UBE2F: variants seen among roughly 807,000 people sequenced by gnomAD.
The protein encoded by UBE2F is NEDD8-conjugating enzyme UBE2F.
A neutral mutation model predicts 29.6 loss-of-function variants in UBE2F; 5 were observed. That is an observed-to-expected ratio of 0.17 (90% CI 0.09 to 0.36). The LOEUF (loss-of-function observed/expected upper bound fraction) is 0.36, where lower values mean the gene tolerates loss of function less well. UBE2F is among the 10% of genes least tolerant of loss of function. The pLI is 1.00. For missense variants in UBE2F, 141 were observed against 228.5 expected (o/e 0.62, Z 2.47); for synonymous variants, 66 against 81.8 (o/e 0.81, Z 1.04).
intron 6 of UBE2F, among the ~76,000 whole-genome samples, chr2:238,028,585 G>A (rs185055789): frequency 2.0e-5 from 3 of 152,186 alleles, no homozygotes; most frequent in Non-Finnish European, 2.9e-5. Flanking sequence ...GTAGAAAGAC[G>A]TCCACCCAGT....
intron 3 of UBE2F, among the ~76,000 whole-genome samples, chr2:237,992,263 T>TA (rs1213670133): frequency 1.1e-4 from 16 of 152,342 alleles, no homozygotes; most frequent in African/African-American, 3.8e-4. Context: ...TAAAAACAAA[T>TA]ACATGATGCC....
At chr2:237,991,337 T>TTA (rs1211574116) in intron 3 of UBE2F, among the ~76,000 whole-genome samples, 1 of 152,190 alleles carries the variant, frequency 6.6e-6, no homozygotes, top group Non-Finnish European at 1.5e-5. Flanking sequence ...TCTAAAATAT[T>TTA]TACAAAGGCA....
Position 238,027,457 on chromosome 2 carries a change from C to T in UBE2F, c.353+2045C>T, listed in dbSNP as rs142159618. On this transcript the variant is annotated intron_variant, in intron 6 of 9. Coordinates refer to ENST00000272930, the MANE Select transcript of UBE2F (RefSeq NM_080678.3). The stretch of plus-strand genomic sequence containing the variant: ...CCATGAAGTGTGGCTTACCACTCAC[C>T]AGATTGGCAGGCACAAAGGTAGATA... 5.9e-5 allele frequency among the ~76,000 whole-genome samples: 9 copies of T among 152,294 alleles called. No individual in the cohort carries two copies. In the East Asian group the frequency reaches 1.7e-3, roughly 29 times the overall value.
chr2:238,027,927 G>A (rs571799024), intron 6 of UBE2F, among the ~76,000 whole-genome samples: 36 of 152,332 alleles, frequency 2.4e-4, no homozygotes, highest in Non-Finnish European at 4.4e-4. Context: ...GGGACCCTTC[G>A]CCTGCTCTGG....
intron 2 of UBE2F, among the ~76,000 whole-genome samples, chr2:237,973,468 T>A (rs1296409665): frequency 5.3e-5 from 8 of 152,248 alleles, no homozygotes; most frequent in African/African-American, 1.7e-4. Flanking sequence ...ATGTTCTTTG[T>A]CACGTCTGCC....
intron 4 of UBE2F, chr2:238,003,527 A>C: frequency 2.5e-6 from 1 of 401,950 alleles, no homozygotes. Flanking sequence ...GGCTTCCTGA[A>C]GTGAGTATGA....
intron 6 of UBE2F, among the ~76,000 whole-genome samples, chr2:238,029,373 G>A (rs2064516093): frequency 6.6e-6 from 1 of 152,030 alleles, no homozygotes; most frequent in Non-Finnish European, 1.5e-5. Context: ...CGGATCACGA[G>A]GTCAGGAGAT....
chr2:238,016,307 C>T (rs1051366685), intron 4 of UBE2F, among the ~76,000 whole-genome samples: 5 of 152,154 alleles, frequency 3.3e-5, no homozygotes, highest in Admixed American at 2.6e-4. Flanking sequence ...AAGGATGTCC[C>T]TTCCCTTCCC....
At chr2:237,968,524 G>A (rs939059981) in intron 1 of UBE2F, among the ~76,000 whole-genome samples, 11 of 152,124 alleles carry the variant, frequency 7.2e-5, no homozygotes, top group Admixed American at 2.0e-4. Context: ...GGATTGAGAC[G>A]TCTCCATTCG....
intron 4 of UBE2F, among the ~76,000 whole-genome samples, chr2:238,007,851 T>TG (rs2063939820): frequency 6.6e-6 from 1 of 152,222 alleles, no homozygotes; most frequent in African/African-American, 2.4e-5. Context: ...TTTTTTGTAA[T>TG]GAGTTGCCTA....
chr2:238,000,262 A>C (rs2063767827), intron 4 of UBE2F, among the ~76,000 whole-genome samples: 1 of 152,152 alleles, frequency 6.6e-6, no homozygotes, highest in African/African-American at 2.4e-5. Flanking sequence ...TTTGCAAAGA[A>C]CTGACTTTTT....
chr2:238,002,304 A>C (rs2063811660), intron 4 of UBE2F, among the ~76,000 whole-genome samples: 1 of 152,046 alleles, frequency 6.6e-6, no homozygotes, highest in South Asian at 2.1e-4. Flanking sequence ...GTTTTAGGGT[A>C]CATGTGCACA....
rs147270257 is a variant in UBE2F at position 238,039,323 on chromosome 2, G to A, written c.508-1965G>A. ...GGTGGAGAGGGGGCCACAGAGGGCC[G>A]GGTGGTGAGAGAGGAGCGCTCCAGA... On this transcript the variant is annotated intron_variant, in intron 9 of 9. Coordinates refer to ENST00000272930, the MANE Select transcript of UBE2F (RefSeq NM_080678.3). Among the ~76,000 whole-genome samples the A allele has an allele frequency of 1.0e-3, 154 of 152,352 alleles. 3 individuals carry two copies. Among genetic ancestry groups the A allele is most frequent in the Admixed American group, 8.5e-3 (130 of 15,296 alleles).
intron 2 of UBE2F, among the ~76,000 whole-genome samples, chr2:237,977,387 C>A (rs1363567467): frequency 3.9e-5 from 6 of 152,246 alleles, no homozygotes; most frequent in African/African-American, 1.4e-4. Context: ...GCCTTTCCTT[C>A]CACTCACCTC....
intron 5 of UBE2F, among the ~76,000 whole-genome samples, chr2:238,018,844 TC>T (rs1199453780): frequency 6.6e-6 from 1 of 152,196 alleles, no homozygotes; most frequent in East Asian, 1.9e-4. Context: ...CGTGTGCCCT[TC>T]CTACCACATC....
At chr2:237,970,960 G>T (rs538504763) in intron 1 of UBE2F, among the ~76,000 whole-genome samples, 2 of 152,352 alleles carry the variant, frequency 1.3e-5, no homozygotes, top group East Asian at 3.9e-4. Context: ...TGACCCACCT[G>T]CCTCGGCCTA....
Position 237,973,100 on chromosome 2 carries a change from C to T in UBE2F, c.-8C>T. ...TCATTGCTGTCTTTCAGGGTAAAGG[C>T]AGCAGTAATGCTAACGCTAGCAAGT... is the stretch of plus-strand genomic sequence containing the variant. On this transcript the variant is annotated 5_prime_UTR_variant, in exon 2 of 10. Transcript: ENST00000272930. The T allele has an allele frequency of 6.2e-7, 1 of 1,609,176 alleles. No homozygotes were observed. Among genetic ancestry groups the T allele is most frequent in the Non-Finnish European group, 8.5e-7 (1 of 1,175,996 alleles).
At chr2:238,006,559 G>T (rs1186438119) in intron 4 of UBE2F, among the ~76,000 whole-genome samples, 2 of 152,088 alleles carry the variant, frequency 1.3e-5, no homozygotes, top group Admixed American at 1.3e-4. Flanking sequence ...TTTCATTGTA[G>T]TAGTTGTATT....
At chr2:237,995,528 C>T (rs538010946) in intron 4 of UBE2F, among the ~76,000 whole-genome samples, 5 of 152,056 alleles carry the variant, frequency 3.3e-5, no homozygotes. Flanking sequence ...GAGGGAAGGA[C>T]GTTTGGTGGT....
Sources: gnomAD v4.1 joint callset for allele counts (sites outside exome capture counted in the v4.1 genomes callset) on GRCh38, gnomAD v4.1.1 for gene constraint, MANE v1.5 for transcripts, NCBI Gene and HGNC (gene_info 2026-07-23, HGNC 2026-07-21) for gene names.